Variants in KDM2B observed in about 807,000 individuals in gnomAD.
KDM2B encodes lysine-specific demethylase 2B.
KDM2B carries 26 observed loss-of-function variants against 150.0 expected under a neutral mutation model. That is an observed-to-expected ratio of 0.17 (90% confidence interval 0.13 to 0.24). The LOEUF (loss-of-function observed/expected upper bound fraction) is 0.24, where lower values mean the gene tolerates loss of function less well. KDM2B is among the 10% of genes least tolerant of loss of function. The probability of loss-of-function intolerance (pLI) is 1.00; values close to 1 mark genes in which losing one functional copy is unlikely to be tolerated. For missense variants in KDM2B, 1,265 were observed against 1,816.9 expected, an observed-to-expected ratio of 0.70 and a Z score of 5.52; for synonymous variants, 734 against 729.5, an observed-to-expected ratio of 1.01 and a Z score of -0.10.
rs1051758018 is a variant in KDM2B, at chr12:121,491,532, C to G, written c.1734+3047G>C. 2.0e-5 allele frequency among the ~76,000 whole-genome samples: 3 copies of G among 152,086 alleles called. No individual in the cohort carries two copies. In the East Asian group the frequency reaches 5.8e-4, roughly 29 times the overall value. Reference sequence around the variant, plus strand: ...TTATGACCGGGCATGGTGGCTCACGCCTTTAATTCCAGCACTTTGGGAGGC... The same window carrying G: ...TTATGACCGGGCATGGTGGCTCACGGCTTTAATTCCAGCACTTTGGGAGGC... On this transcript the variant is annotated intron_variant, in intron 12 of 22. Coordinates refer to ENST00000377071, the MANE Select transcript of KDM2B (RefSeq NM_032590.5).
At chr12:121,525,973 G>A (rs1370091148) in intron 8 of KDM2B, among the ~76,000 whole-genome samples, 1 of 152,208 alleles carries the variant, frequency 6.6e-6, no homozygotes, top group African/African-American at 2.4e-5. Flanking sequence ...GGCTGGATAA[G>A]CTGCTCTCAG....
At chr12:121,414,953 GGGCAT>G in the KDM2B span, among the ~76,000 whole-genome samples, 1 of 152,218 alleles carries the variant, frequency 6.6e-6, no homozygotes, top group South Asian at 2.1e-4. Context: ...AAAATTAGCT[GGGCAT>G]GGTGGCGGAT....
Position 121,442,022 on chromosome 12 carries a change from G to T in KDM2B, c.3284+135C>A. 1 of 721,824 alleles carries T rather than the reference G, an allele frequency of 1.4e-6. No individual in the cohort carries two copies. Among genetic ancestry groups the T allele is most frequent in the Non-Finnish European group, 2.3e-6 (1 of 430,644 alleles). 44.7% of individuals were successfully genotyped at this position (721,824 alleles called of 1,614,324 possible). On this transcript the variant is annotated intron_variant, in intron 19 of 22. Transcript: ENST00000377071. This position sits in a 1 kb window ranked among gnomAD's most constrained non-coding sequence, Gnocchi z 7.7. Reference sequence around the variant, plus strand: ...CCAGAGGGGCCGCTGTAGCCAGCTGGAACGCTTTGCGGAGCACAATGAAGC... The same window carrying T: ...CCAGAGGGGCCGCTGTAGCCAGCTGTAACGCTTTGCGGAGCACAATGAAGC...
intron 10 of KDM2B, among the ~76,000 whole-genome samples, chr12:121,511,572 C>T (rs1885596320): frequency 6.6e-6 from 1 of 152,196 alleles, no homozygotes; most frequent in Non-Finnish European, 1.5e-5. Context: ...AGGCGTGAGC[C>T]ATCGCGCCCG....
chr12:121,491,759 A>C (rs1221361858), intron 12 of KDM2B, among the ~76,000 whole-genome samples: 1 of 148,442 alleles, frequency 6.7e-6, no homozygotes, highest in Non-Finnish European at 1.5e-5. Context: ...GCACCACTGC[A>C]CTCCAGCCTG....
intron 12 of KDM2B, among the ~76,000 whole-genome samples, chr12:121,464,668 T>A (rs1280001024): frequency 6.6e-6 from 1 of 152,218 alleles, no homozygotes. Flanking sequence ...AGGGCCTCCC[T>A]CCGACGGGTC....
chr12:121,430,414 G>A lies in KDM2B; in HGVS notation c.3885C>T (p.Ile1295=). 6.2e-7 allele frequency: 1 copy of A among 1,614,150 alleles called. No individual in the cohort carries two copies. The highest frequency in any genetic ancestry group is 8.5e-7 in the Non-Finnish European group (1 of 1,180,032). Residue 1295 remains isoleucine (I), a synonymous_variant, in exon 23 of 23, where the codon ATC becomes ATT. Coordinates refer to ENST00000377071, the MANE Select transcript of KDM2B (RefSeq NM_032590.5). The surrounding 1 kb of genome is among the most constrained non-coding windows in gnomAD (Gnocchi z 4.4). ...TGCAGTACCTCAGGTCAATATGACA[G>A]ATGTTTCCACAGCGTTTGAAGAAGG... ...CLSFFKRCGN[I]CHIDLRYCKQ...
the KDM2B span, among the ~76,000 whole-genome samples, chr12:121,413,171 A>G: frequency 6.7e-6 from 1 of 149,836 alleles, no homozygotes; most frequent in Non-Finnish European, 1.5e-5. Context: ...GATTACAGGC[A>G]TCTGCCAATA....
the KDM2B span, among the ~76,000 whole-genome samples, chr12:121,414,896 C>T: frequency 2.0e-5 from 3 of 152,202 alleles, no homozygotes; most frequent in Non-Finnish European, 4.4e-5. Flanking sequence ...GAGTTCGAGA[C>T]CAGCCATGGT....
intron 12 of KDM2B, among the ~76,000 whole-genome samples, chr12:121,479,708 G>A (rs782794302): frequency 1.3e-5 from 2 of 151,646 alleles, no homozygotes; most frequent in Admixed American, 6.6e-5. Context: ...TGCAACCTCC[G>A]ACTCCCAAGT....
rs571234808 is a variant in KDM2B at position 121,526,564 on chromosome 12, T to C, written c.932-5464A>G. On this transcript the variant is annotated intron_variant, in intron 8 of 22. Coordinates refer to ENST00000377071, the MANE Select transcript of KDM2B (RefSeq NM_032590.5). ...GATCTTGGGCCTTAGGTATTTTCTT[T>C]ATTTGTTTAAAAAAAAATGGTGTCA... Among the ~76,000 whole-genome samples the C allele has an allele frequency of 7.2e-5, 11 of 151,884 alleles. No homozygotes were observed. The South Asian group carries it at 2.3e-3, about 32-fold the overall frequency.
At chr12:121,417,001 T>A in the KDM2B span, among the ~76,000 whole-genome samples, 2 of 152,226 alleles carry the variant, frequency 1.3e-5, no homozygotes, top group Non-Finnish European at 2.9e-5. This position sits in a 1 kb window ranked among gnomAD's most constrained non-coding sequence, Gnocchi z 5.0. Flanking sequence ...GTGGCAAGGC[T>A]TTGATTGTGA....
intron 12 of KDM2B, among the ~76,000 whole-genome samples, chr12:121,482,488 A>G (rs1401535933): frequency 6.6e-6 from 1 of 151,956 alleles, no homozygotes; most frequent in Non-Finnish European, 1.5e-5. Context: ...ATTTTAGTAG[A>G]GACAGGTTTC....
chr12:121,440,394 G>A (rs572825294), intron 21 of KDM2B: 5 of 448,536 alleles, frequency 1.1e-5, no homozygotes, highest in South Asian at 9.0e-5. Context: ...CACGGACCTA[G>A]GCAGTCCAGC....
In KDM2B at chr12:121,467,299, C is replaced by T. The variant is rs1319267467; in HGVS notation, c.1735-13955G>A. ...CCGCCCGGAGCAGGCTCGGCTCGCC[C>T]TGGCTCGGGCTCGGGCTCGGGCTCG... On this transcript the variant is annotated intron_variant, in intron 12 of 22. Transcript: ENST00000377071. This position sits in a 1 kb window ranked among gnomAD's most constrained non-coding sequence, Gnocchi z 5.1. 9 of 984,220 alleles carry T rather than the reference C, an allele frequency of 9.1e-6. No individual in the cohort carries two copies. In the African/African-American group the frequency reaches 1.1e-4, roughly 12 times the overall value. The allele number at this position is 984,220 out of a possible 1,614,324, so 61.0% of individuals were successfully genotyped here.
At chr12:121,473,934 G>C (rs1182661528) in intron 12 of KDM2B, among the ~76,000 whole-genome samples, 1 of 152,096 alleles carries the variant, frequency 6.6e-6, no homozygotes, top group Non-Finnish European at 1.5e-5. Flanking sequence ...TACTCCAAGG[G>C]GAATGAGCCT....
chr12:121,445,489 A>T, intron 13 of KDM2B, 71 bp from the exon 14 acceptor site: 2 of 1,470,006 alleles, frequency 1.4e-6, no homozygotes, highest in Non-Finnish European at 1.8e-6. Flanking sequence ...GGCCAGTTCA[A>T]GGGCAATGAG....
chr12:121,486,333 CTT>C lies in KDM2B; in HGVS notation c.1734+8244_1734+8245del, dbSNP rs71079073. ...TGTTGATCAGGCTGGTTTCGAACTC[CTT>C]TTTTTTTTTTTTTTTTTTTTTTTTT... On this transcript the variant is annotated intron_variant, in intron 12 of 22. Transcript: ENST00000377071. 4.6e-3 allele frequency among the ~76,000 whole-genome samples: 274 copies of C among 58,992 alleles called. 2 individuals are homozygous for C. The highest frequency in any genetic ancestry group is 0.021 in the African/African-American group (262 of 12,736). 38.7% of individuals were successfully genotyped at this position (58,992 alleles called of 152,430 possible). A position where few individuals can be genotyped will look rare whatever the true frequency, so the allele number is the denominator to read the frequency against.
chr12:121,524,457 G>A (rs1199115748), intron 8 of KDM2B, among the ~76,000 whole-genome samples: 1 of 152,164 alleles, frequency 6.6e-6, no homozygotes, highest in African/African-American at 2.4e-5. Context: ...GCGAGGAGGG[G>A]GCAGGGGATC....
Sources: gnomAD v4.1 joint callset for allele counts (sites outside exome capture counted in the v4.1 genomes callset) on GRCh38, gnomAD v4.1.1 for gene constraint, Gnocchi (gnomAD v3.1) non-coding constraint, MANE v1.5 for transcripts, NCBI Gene and HGNC (gene_info 2026-07-23, HGNC 2026-07-21) for gene names.